PKHD1: variants seen among roughly 807,000 people sequenced by gnomAD.
The protein encoded by PKHD1 is fibrocystin.
PKHD1 carries 291 observed loss-of-function variants against 412.0 expected under a neutral mutation model. The ratio of observed to expected loss-of-function variants is 0.71; its 90% confidence interval spans 0.64 to 0.78. The LOEUF (loss-of-function observed/expected upper bound fraction) is 0.78, where lower values mean the gene tolerates loss of function less well. Among genes scored for constraint, PKHD1 ranks in the 30% least tolerant of loss-of-function variants. The probability of loss-of-function intolerance (pLI) is 0.00; values close to 1 mark genes in which losing one functional copy is unlikely to be tolerated. For missense variants in PKHD1, 4,825 were observed against 4,950.7 expected, an observed-to-expected ratio of 0.97 and a Z score of 0.76; for synonymous variants, 1,777 against 1,821.5, an observed-to-expected ratio of 0.98 and a Z score of 0.62.
intron 15 of PKHD1, among the ~76,000 whole-genome samples, chr6:52,059,238 C>CT (rs1367031295): frequency 2.7e-5 from 3 of 111,530 alleles, no homozygotes; most frequent in Non-Finnish European, 3.8e-5. Context: ...CACAATCTTT[C>CT]TTTTTTTTCT....
chr6:51,949,077 G>T (rs985011304), intron 36 of PKHD1, among the ~76,000 whole-genome samples: 1 of 152,072 alleles, frequency 6.6e-6, no homozygotes, highest in Admixed American at 6.6e-5. Context: ...ACCAGGGAGG[G>T]ATCTGAGAAC....
At chr6:51,823,618 T>G (rs1016665283) in intron 52 of PKHD1, among the ~76,000 whole-genome samples, 1 of 152,102 alleles carries the variant, frequency 6.6e-6, no homozygotes, top group African/African-American at 2.4e-5. Flanking sequence ...CATGGACAAA[T>G]TAAGATTGGA....
intron 34 of PKHD1, among the ~76,000 whole-genome samples, chr6:52,015,595 T>C (rs1581753707): frequency 3.3e-5 from 5 of 151,586 alleles, no homozygotes. Context: ...GAGGCTGAGG[T>C]GGGCAGATCA....
rs779864595 is a variant in PKHD1 at position 51,847,884 on chromosome 6, T to C, written c.7998A>G (p.Leu2666=). 1 of 1,613,748 alleles carries C rather than the reference T, an allele frequency of 6.2e-7. No individual in the cohort carries two copies. The highest frequency in any genetic ancestry group is 8.5e-7 in the Non-Finnish European group (1 of 1,179,680). ...ACAGACCCACTCGACTCCCACATCT[T>C]AGGAGGATGTCAGGGTAAGGCGGCA... ...TDLPPYPDIL[L]RCGSRVGLSF... Residue 2666 remains leucine, a synonymous_variant, in exon 50 of 67, where the codon CTA becomes CTG. Coordinates refer to ENST00000371117, the MANE Select transcript of PKHD1 (RefSeq NM_138694.4).
chr6:51,892,123 G>A (rs1312084786), intron 43 of PKHD1, among the ~76,000 whole-genome samples: 1 of 152,108 alleles, frequency 6.6e-6, no homozygotes, highest in East Asian at 1.9e-4. Context: ...TGGACTAATT[G>A]GCCGAGTCAC....
intron 1 of PKHD1, among the ~76,000 whole-genome samples, chr6:52,086,968 C>A (rs1027940401): frequency 6.6e-6 from 1 of 152,192 alleles, no homozygotes; most frequent in African/African-American, 2.4e-5. Flanking sequence ...TATTTTCAAT[C>A]TGGCTACGTG....
At chr6:51,892,169 T>G (rs2127574800) in intron 43 of PKHD1, among the ~76,000 whole-genome samples, 1 of 152,316 alleles carries the variant, frequency 6.6e-6, no homozygotes, top group Non-Finnish European at 1.5e-5. Flanking sequence ...TGAGCAATTC[T>G]CCAATTTCCT....
At chr6:51,649,540 A>G (rs1277892968) in intron 61 of PKHD1, among the ~76,000 whole-genome samples, 1 of 152,170 alleles carries the variant, frequency 6.6e-6, no homozygotes, top group South Asian at 2.1e-4. Flanking sequence ...TAATATAGAT[A>G]ATAATAATAA....
chr6:51,702,361 A>G (rs1224185873), intron 60 of PKHD1, among the ~76,000 whole-genome samples: 3 of 151,748 alleles, frequency 2.0e-5, no homozygotes, highest in South Asian at 2.1e-4. Context: ...GATCTCACTC[A>G]TAAGTGGGAG....
rs1056975472 is a variant in PKHD1, at chr6:51,744,313, A to G, written c.10156+72T>C. On this transcript the variant is annotated intron_variant, in intron 60 of 66. Coordinates refer to ENST00000371117, the MANE Select transcript of PKHD1 (RefSeq NM_138694.4). ...TCACCAGTACATTTCATTCTCAGTG[A>G]GCACAGCAAAACCAGCTCCTTCACA... is the stretch of plus-strand genomic sequence containing the variant. 29 of 1,313,342 alleles carry G rather than the reference A, an allele frequency of 2.2e-5. No individual in the cohort carries two copies. The African/African-American group carries it at 4.2e-4, about 19-fold the overall frequency. 81.4% of individuals were successfully genotyped at this position (1,313,342 alleles called of 1,614,324 possible). A position where few individuals can be genotyped will look rare whatever the true frequency, so the allele number is the denominator to read the frequency against.
intron 60 of PKHD1, among the ~76,000 whole-genome samples, chr6:51,723,058 TG>T (rs1782125586): frequency 1.3e-5 from 2 of 152,234 alleles, no homozygotes; most frequent in South Asian, 2.1e-4. Context: ...AATTTTTTAT[TG>T]AAAGGCATCC....
chr6:51,649,298 T>C, intron 61 of PKHD1, 78 bp from the exon 62 acceptor site: 1 of 1,081,344 alleles, frequency 9.2e-7, no homozygotes, highest in Non-Finnish European at 1.4e-6. Context: ...CACAATCCAT[T>C]ATTACCAGTG....
chr6:52,020,618 T>G (rs544198187), intron 33 of PKHD1, among the ~76,000 whole-genome samples: 55 of 152,278 alleles, frequency 3.6e-4, no homozygotes, highest in African/African-American at 1.3e-3. Context: ...ATAGAGGAAC[T>G]AAGAATACTC....
intron 43 of PKHD1, among the ~76,000 whole-genome samples, chr6:51,897,977 A>T (rs1268680993): frequency 1.3e-5 from 2 of 152,036 alleles, no homozygotes; most frequent in African/African-American, 2.4e-5. Context: ...TCCTAAATAT[A>T]TATGCACCCA....
chr6:51,851,184 T>C (rs965406100), intron 49 of PKHD1, among the ~76,000 whole-genome samples: 3 of 152,250 alleles, frequency 2.0e-5, no homozygotes, highest in African/African-American at 7.2e-5. Flanking sequence ...GTTCTGTTTA[T>C]GTGACGGATT....
intron 60 of PKHD1, among the ~76,000 whole-genome samples, chr6:51,682,021 A>G (rs1009148845): frequency 6.6e-6 from 1 of 152,086 alleles, no homozygotes; most frequent in African/African-American, 2.4e-5. Flanking sequence ...CCTGCCAACC[A>G]AAGATGGACA....
chr6:51,646,993 C>T (rs1293477700), intron 63 of PKHD1, among the ~76,000 whole-genome samples: 2 of 152,172 alleles, frequency 1.3e-5, no homozygotes, highest in Admixed American at 6.5e-5. Flanking sequence ...CCAAACTCCC[C>T]ACCATGGTCC....
At chr6:51,829,621 T>C (rs1386553062) in intron 52 of PKHD1, among the ~76,000 whole-genome samples, 1 of 152,106 alleles carries the variant, frequency 6.6e-6, no homozygotes, top group East Asian at 1.9e-4. Context: ...GGGATGATAA[T>C]AATAATTGAC....
chr6:51,727,545 C>T (rs1396381186), intron 60 of PKHD1, among the ~76,000 whole-genome samples: 2 of 152,164 alleles, frequency 1.3e-5, no homozygotes, highest in Non-Finnish European at 2.9e-5. Flanking sequence ...CCCCTTCTGG[C>T]GTCTTTAAAC....
Sources: gnomAD v4.1 joint callset for allele counts (sites outside exome capture counted in the v4.1 genomes callset) on GRCh38, gnomAD v4.1.1 for gene constraint, MANE v1.5 for transcripts, NCBI Gene and HGNC (gene_info 2026-07-23, HGNC 2026-07-21) for gene names.